Variants in ATP2C1 observed in about 807,000 individuals in gnomAD.
ATP2C1 encodes calcium-transporting ATPase type 2C member 1.
A neutral mutation model predicts 120.5 loss-of-function variants in ATP2C1; 31 were observed. The ratio of observed to expected loss-of-function variants is 0.26; its 90% CI spans 0.19 to 0.35. ATP2C1 has a LOEUF of 0.35. Ranked by LOEUF, ATP2C1 falls within the 10% of genes least tolerant of loss-of-function variation. ATP2C1 has a pLI of 1.00. For missense variants in ATP2C1, 731 were observed against 1,107.5 expected, an observed-to-expected ratio of 0.66 and a Z score of 4.83; for synonymous variants, 351 against 358.7, an observed-to-expected ratio of 0.98 and a Z score of 0.24.
intron 21 of ATP2C1, among the ~76,000 whole-genome samples, chr3:130,993,669 CT>C (rs2062460673): frequency 6.6e-6 from 1 of 152,182 alleles, no homozygotes; most frequent in Admixed American, 6.5e-5. Context: ...ACAATTGCCC[CT>C]GGTTGAGAAT....
chr3:130,933,472 G>T (rs893529679), intron 4 of ATP2C1, among the ~76,000 whole-genome samples: 1 of 152,066 alleles, frequency 6.6e-6, no homozygotes, highest in Admixed American at 6.6e-5. Context: ...TTGGTATAAG[G>T]TTCTGTTTTA....
chr3:130,941,548 A>G, intron 7 of ATP2C1, 43 bp from the exon 8 acceptor site: 1 of 1,174,684 alleles, frequency 8.5e-7, no homozygotes, highest in South Asian at 1.5e-5. Context: ...AGTTGCATGA[A>G]TTTTTTTTTT....
intron 1 of ATP2C1, chr3:130,869,396 T>C (rs1299160777): frequency 8.0e-6 from 1 of 125,606 alleles, no homozygotes; most frequent in Non-Finnish European, 1.6e-5. Flanking sequence ...AATCCCCCTC[T>C]GCGAGAAACA....
intron 7 of ATP2C1, among the ~76,000 whole-genome samples, chr3:130,941,286 G>A (rs1035714430): frequency 4.0e-5 from 6 of 150,498 alleles, no homozygotes; most frequent in Non-Finnish European, 4.4e-5. Flanking sequence ...GCGCGCACGC[G>A]CGCATGCATG....
intron 13 of ATP2C1, 137 bp from the exon 14 acceptor site, chr3:130,964,811 A>G (rs2060979877): frequency 3.2e-6 from 2 of 625,996 alleles, no homozygotes; most frequent in Non-Finnish European, 2.8e-6. Context: ...AGAGAAGTTA[A>G]TCTAAAATTA....
rs183719897 is a variant in ATP2C1 at position 130,981,154 on chromosome 3, C to G, written c.1839+475C>G. Among the ~76,000 whole-genome samples the G allele has an allele frequency of 3.4e-4, 52 of 152,272 alleles. 1 individual carries two copies. The highest frequency in any genetic ancestry group is 1.2e-3 in the African/African-American group (50 of 41,554). On this transcript the variant is annotated intron_variant, in intron 20 of 27. Transcript: ENST00000510168. ...CCACCACCACAATCAAGATATAGAACAGTTCCATCATCCCCCCAGATTATC... is the reference window on the plus strand; with the variant it reads ...CCACCACCACAATCAAGATATAGAAGAGTTCCATCATCCCCCCAGATTATC...
At chr3:130,946,729 T>C (rs1391269491) in intron 8 of ATP2C1, among the ~76,000 whole-genome samples, 1 of 152,238 alleles carries the variant, frequency 6.6e-6, no homozygotes, top group Non-Finnish European at 1.5e-5. Flanking sequence ...AATTCTGATT[T>C]GGTTTGGTAT....
At chr3:130,970,369 TACACACACACACACACACACACACAC>T (rs201337484) in intron 17 of ATP2C1, among the ~76,000 whole-genome samples, 2 of 130,696 alleles carry the variant, frequency 1.5e-5, no homozygotes, top group African/African-American at 5.9e-5. Context: ...AAAAAAAAAT[TACACACACACACACACACACACACAC>T]ACACACACAC....
At chr3:130,930,561 T>C in intron 3 of ATP2C1, 35 bp downstream of exon 3, 1 of 1,315,158 alleles carries the variant, frequency 7.6e-7, no homozygotes, top group Non-Finnish European at 1.1e-6. Context: ...GACTAGATGG[T>C]GTAAAGTCAG....
At chr3:130,859,911 AC>A (rs2067962070) in intron 1 of ATP2C1, among the ~76,000 whole-genome samples, 1 of 152,148 alleles carries the variant, frequency 6.6e-6, no homozygotes, top group Admixed American at 6.5e-5. Context: ...GACAAATATC[AC>A]AAGCATCAAA....
chr3:130,986,973 T>C (rs1470248630), intron 20 of ATP2C1, among the ~76,000 whole-genome samples: 1 of 151,500 alleles, frequency 6.6e-6, no homozygotes, highest in African/African-American at 2.4e-5. Context: ...GGTGTTTTGC[T>C]TTATTGCCCA....
intron 20 of ATP2C1, among the ~76,000 whole-genome samples, chr3:130,988,290 A>G (rs1322632287): frequency 6.6e-6 from 1 of 151,808 alleles, no homozygotes; most frequent in Non-Finnish European, 1.5e-5. Flanking sequence ...TCCCTAGTAC[A>G]TCTTGTCTAT....
intron 6 of ATP2C1, among the ~76,000 whole-genome samples, chr3:130,940,153 A>G (rs1297831153): frequency 1.3e-5 from 2 of 152,072 alleles, no homozygotes; most frequent in Non-Finnish European, 2.9e-5. Context: ...GCCACATCTT[A>G]CTCCTTGTTT....
At position 130,930,612 on chromosome 3, in the gene ATP2C1, T is replaced by C; in HGVS notation, c.117+86T>C. 3.4e-6 allele frequency: 3 copies of C among 876,652 alleles called. No individual in the cohort carries two copies. The Admixed American group carries it at 5.5e-5, about 16-fold the overall frequency. The allele number at this position is 876,652 out of a possible 1,614,324, so 54.3% of individuals were successfully genotyped here. ...AAAACAGTGCTGTCTAATTTACTTT[T>C]CTTCAGTGATAGAAATATTCTGTTC... On this transcript the variant is annotated intron_variant, in intron 3 of 27. Coordinates refer to ENST00000510168, the MANE Select transcript of ATP2C1 (RefSeq NM_001378687.1).
chr3:130,995,259 A>C (rs1287155527), intron 22 of ATP2C1, among the ~76,000 whole-genome samples: 1 of 151,606 alleles, frequency 6.6e-6, no homozygotes, highest in African/African-American at 2.4e-5. Context: ...CAAACAATAC[A>C]AAAAAAATAG....
At chr3:130,889,851 G>C (rs912160666), upstream of ATP2C1, among the ~76,000 whole-genome samples, 2 of 151,996 alleles carry the variant, frequency 1.3e-5, no homozygotes, top group African/African-American at 4.8e-5. Context: ...TCACTATGTG[G>C]TCAAGCCTGG....
At chr3:130,948,433 T>G (rs1053819935) in intron 8 of ATP2C1, among the ~76,000 whole-genome samples, 2 of 151,492 alleles carry the variant, frequency 1.3e-5, no homozygotes, top group African/African-American at 4.9e-5. Flanking sequence ...GAAAATTCTG[T>G]TATGTGATAA....
chr3:130,930,795 A>G lies in ATP2C1; in HGVS notation c.117+269A>G, dbSNP rs72983800. The stretch of plus-strand genomic sequence containing the variant: ...AATTTAAATTTATTTAAATAACTAC[A>G]GGTGGCTTAGTGGCTACCTGATTGG... On this transcript the variant is annotated intron_variant, in intron 3 of 27. Transcript: ENST00000510168. 4.4e-3 allele frequency among the ~76,000 whole-genome samples: 675 copies of G among 152,296 alleles called. 3 individuals carry two copies. Among genetic ancestry groups the G allele is most frequent in the African/African-American group, 0.015 (643 of 41,580 alleles).
chr3:130,996,620 T>C, intron 23 of ATP2C1, 60 bp from the exon 24 acceptor site: 1 of 1,091,442 alleles, frequency 9.2e-7, no homozygotes, highest in Non-Finnish European at 1.4e-6. Flanking sequence ...AAAAAAGTGG[T>C]ATCATAGAAT....
Sources: allele counts gnomAD v4.1 joint callset (sites outside exome capture counted in the v4.1 genomes callset), GRCh38; gene constraint gnomAD v4.1.1; transcripts MANE v1.5; gene names NCBI Gene and HGNC (gene_info 2026-07-23, HGNC 2026-07-21).